MOB4: variants seen among roughly 807,000 people sequenced by gnomAD.
MOB4 encodes MOB family member 4, phocein, also known as MOB-like protein phocein.
MOB4 carries 4 observed loss-of-function variants against 32.2 expected under a neutral mutation model. That is an observed-to-expected ratio of 0.12 (90% CI 0.06 to 0.28). MOB4 has a LOEUF of 0.28. Among genes scored for constraint, MOB4 ranks in the 10% least tolerant of loss-of-function variants. The pLI is 1.00. For missense variants in MOB4, 158 were observed against 271.2 expected (o/e 0.58, Z 2.93); for synonymous variants, 88 against 88.1 (o/e 1.00, Z 0.01).
intron 1 of MOB4, among the ~76,000 whole-genome samples, chr2:197,523,008 A>AAATAAT (rs971955388): frequency 1.3e-5 from 2 of 151,678 alleles, no homozygotes; most frequent in African/African-American, 2.4e-5. Flanking sequence ...AGTGGTCTCA[A>AAATAAT]AATAATAATA....
At chr2:197,547,860 C>G (rs1313363298) in intron 5 of MOB4, among the ~76,000 whole-genome samples, 1 of 151,852 alleles carries the variant, frequency 6.6e-6, no homozygotes. Flanking sequence ...TTCATTGTTT[C>G]TGATAAATGG....
rs199835778 is a variant in MOB4 at position 197,550,505 on chromosome 2, C to T, written c.547-10C>T. 237 of 1,585,184 alleles carry T rather than the reference C, an allele frequency of 1.5e-4. No individual in the cohort carries two copies. The African/African-American group carries it at 2.8e-3, about 19-fold the overall frequency. On this transcript the variant is annotated splice_polypyrimidine_tract_variant and intron_variant, in intron 7 of 7. Coordinates refer to ENST00000323303, the MANE Select transcript of MOB4 (RefSeq NM_015387.5). ...GAATTAAAATAACATTTTTGTCTTC[C>T]TCTCTACAGAATGAAACATTTTTGT...
intron 1 of MOB4, 138 bp downstream of exon 1, chr2:197,516,284 C>A (rs2086410035): frequency 1.4e-6 from 2 of 1,450,812 alleles, no homozygotes; most frequent in South Asian, 2.9e-5. Context: ...CCTGCTCTTC[C>A]GGAGCTGCAG....
rs541674711 is a variant in MOB4 at position 197,550,590 on chromosome 2, G to A, written c.622G>A (p.Val208Ile). Residue 208 changes from valine (V) to isoleucine (I), a missense_variant, in exon 8 of 8, where the codon GTA (valine) becomes ATA (isoleucine). Physicochemically the swap from Val to Ile is conservative, Grantham distance 29. Transcript: ENST00000323303. Reference sequence around the variant, plus strand: ...TTTGATGTCCAAGGATAACCTGATTGTACCAATTTTAGAAGAGGAAGTACA... The same window carrying A: ...TTTGATGTCCAAGGATAACCTGATTATACCAATTTTAGAAGAGGAAGTACA... The part of the protein sequence containing the change: ...YNLMSKDNLI[V>I]PILEEEVQNS... The A allele has an allele frequency of 9.3e-6, 15 of 1,607,620 alleles. No homozygotes were observed. The highest frequency in any genetic ancestry group is 1.3e-5 in the African/African-American group (1 of 74,722).
intron 5 of MOB4, among the ~76,000 whole-genome samples, chr2:197,545,090 C>T (rs1010831860): frequency 2.6e-5 from 4 of 152,162 alleles, no homozygotes; most frequent in South Asian, 2.1e-4. Context: ...TGCACAAAGA[C>T]TTGTACATGA....
At chr2:197,546,308 G>T (rs1221705186) in intron 5 of MOB4, among the ~76,000 whole-genome samples, 1 of 152,142 alleles carries the variant, frequency 6.6e-6, no homozygotes, top group Non-Finnish European at 1.5e-5. Context: ...TGATCCACCT[G>T]CCTCGGCCTC....
At chr2:197,537,271 T>C (rs1423524171) in intron 3 of MOB4, among the ~76,000 whole-genome samples, 3 of 152,166 alleles carry the variant, frequency 2.0e-5, no homozygotes, top group Non-Finnish European at 1.5e-5. Flanking sequence ...CTGAAGTTAC[T>C]AGGTGTTTCT....
intron 5 of MOB4, among the ~76,000 whole-genome samples, chr2:197,541,792 G>A (rs1048330829): frequency 4.6e-5 from 7 of 151,244 alleles, no homozygotes; most frequent in South Asian, 2.1e-4. Flanking sequence ...AGTGGCGGGC[G>A]CCTGTAGTCC....
Position 197,526,126 on chromosome 2 carries a change from A to G in MOB4, c.123+2440A>G, listed in dbSNP as rs567451075. On this transcript the variant is annotated intron_variant, in intron 2 of 7. Transcript: ENST00000323303. ...TTTGTCTTCTTCCTGATCTTAGAGG[A>G]GAGCTTTTAGTTTTTCACTGTTGAG... 3.3e-5 allele frequency among the ~76,000 whole-genome samples: 5 copies of G among 152,190 alleles called. No homozygotes were observed. In the East Asian group the frequency reaches 7.7e-4, roughly 23 times the overall value.
upstream of MOB4, chr2:197,515,962 G>C (rs932685943): frequency 8.9e-5 from 89 of 995,670 alleles, no homozygotes; most frequent in Admixed American, 2.6e-5. Flanking sequence ...CCCGGCGCAG[G>C]CTGCAGCTGT....
intron 1 of MOB4, among the ~76,000 whole-genome samples, chr2:197,522,323 C>CTTTTTTTTTTTTTTTTTT (rs57163165): frequency 1.5e-5 from 1 of 66,492 alleles, no homozygotes. Context: ...GGGTGATTAC[C>CTTTTTTTTTTTTTTTTTT]TTTTTTTTTT....
intron 1 of MOB4, among the ~76,000 whole-genome samples, chr2:197,521,281 C>T (rs989194149): frequency 7.2e-5 from 11 of 152,068 alleles, no homozygotes; most frequent in South Asian, 2.1e-4. Context: ...GCTGCAAAAC[C>T]GGCAAGTTTT....
At position 197,517,623 on chromosome 2, in the gene MOB4, T is replaced by C. The variant is rs539067722; in HGVS notation, c.60+1477T>C. 2.7e-4 allele frequency among the ~76,000 whole-genome samples: 41 copies of C among 152,256 alleles called. No individual in the cohort carries two copies. In the South Asian group the frequency reaches 8.1e-3, roughly 30 times the overall value. ...ACTTGCTATGTTGCTGTAAGTCACA[T>C]AGAAGAAAACTTATTGTCTTTTTTT... On this transcript the variant is annotated intron_variant, in intron 1 of 7. Coordinates refer to ENST00000323303, the MANE Select transcript of MOB4 (RefSeq NM_015387.5).
chr2:197,533,488 G>A (rs1387942478), intron 2 of MOB4, among the ~76,000 whole-genome samples: 1 of 152,158 alleles, frequency 6.6e-6, no homozygotes, highest in Non-Finnish European at 1.5e-5. Flanking sequence ...ACTTCGGGAG[G>A]CCGAGGCGGG....
intron 2 of MOB4, among the ~76,000 whole-genome samples, chr2:197,530,504 GTCC>G (rs1401006742): frequency 6.6e-6 from 1 of 151,826 alleles, no homozygotes; most frequent in East Asian, 1.9e-4. Context: ...GCCTCAAGCA[GTCC>G]TCCTGCCTCA....
At chr2:197,534,361 C>T (rs2106120904) in intron 2 of MOB4, among the ~76,000 whole-genome samples, 1 of 152,102 alleles carries the variant, frequency 6.6e-6, no homozygotes, top group South Asian at 2.1e-4. Context: ...TATGTTATTA[C>T]ATTTTAAAAA....
chr2:197,536,674 T>TGCCTCTGCCTCCCGAGTTCTGCCTCTG (rs1276807246), intron 3 of MOB4, among the ~76,000 whole-genome samples: 2 of 134,704 alleles, frequency 1.5e-5, no homozygotes, highest in Non-Finnish European at 3.1e-5. Context: ...TGATCCCGGC[T>TGCCTCTGCCTCCCGAGTTCTGCCTCTG]CACCACAACC....
At chr2:197,516,270 C>T (rs971501608) in intron 1 of MOB4, 124 bp downstream of exon 1, 85 of 1,467,234 alleles carry the variant, frequency 5.8e-5, no homozygotes, top group Non-Finnish European at 7.3e-5. Flanking sequence ...GCACTGGTGC[C>T]CGGCCTGCTC....
chr2:197,523,108 G>T (rs1234444101), intron 1 of MOB4, among the ~76,000 whole-genome samples: 1 of 151,904 alleles, frequency 6.6e-6, no homozygotes, highest in Non-Finnish European at 1.5e-5. Flanking sequence ...ACTTTTTGGT[G>T]TCTGGAGTTT....
Sources: gnomAD v4.1 joint callset for allele counts (sites outside exome capture counted in the v4.1 genomes callset) on GRCh38, gnomAD v4.1.1 for gene constraint, MANE v1.5 for transcripts, NCBI Gene and HGNC (gene_info 2026-07-23, HGNC 2026-07-21) for gene names.